Variants in RABGEF1 observed in about 807,000 individuals in gnomAD.
RABGEF1 encodes rab5 GDP/GTP exchange factor.
Under a neutral mutation model 57.3 loss-of-function variants are expected in RABGEF1, and 26 were observed. That is an observed-to-expected ratio of 0.45 (90% CI 0.33 to 0.63). The LOEUF is 0.63. Among genes scored for constraint, RABGEF1 ranks in the 20% least tolerant of loss-of-function variants. The pLI, the probability that RABGEF1 is intolerant of heterozygous loss-of-function variation, is 0.02. For missense variants in RABGEF1, 464 were observed against 607.6 expected (o/e 0.76, Z 2.48); for synonymous variants, 185 against 210.7 (o/e 0.88, Z 1.06).
the RABGEF1 span, among the ~76,000 whole-genome samples, chr7:66,670,281 CT>C: frequency 2.0e-5 from 3 of 152,022 alleles, no homozygotes; most frequent in African/African-American, 7.2e-5. Flanking sequence ...CCACTGGTCC[CT>C]TCTCATACTT....
At chr7:66,748,365 A>G (rs1016838410) in intron 1 of RABGEF1, among the ~76,000 whole-genome samples, 2 of 152,104 alleles carry the variant, frequency 1.3e-5, no homozygotes, top group Admixed American at 6.5e-5. Context: ...TACCTTCCAT[A>G]CTTTCTCAGT....
At chr7:66,666,690 A>G in the RABGEF1 span, among the ~76,000 whole-genome samples, 1 of 152,208 alleles carries the variant, frequency 6.6e-6, no homozygotes, top group Non-Finnish European at 1.5e-5. Flanking sequence ...CTGTCTGGCC[A>G]ACACCCTTGC....
At chr7:66,805,897 A>G (rs1441847457) in intron 8 of RABGEF1, among the ~76,000 whole-genome samples, 1 of 149,794 alleles carries the variant, frequency 6.7e-6, no homozygotes, top group Admixed American at 6.7e-5. Flanking sequence ...GGCATGCACC[A>G]TCACACCGGG....
intron 1 of RABGEF1, among the ~76,000 whole-genome samples, chr7:66,706,255 A>G (rs1425916595): frequency 6.6e-6 from 1 of 151,996 alleles, no homozygotes; most frequent in Admixed American, 6.6e-5. Flanking sequence ...ATCTTTGGAT[A>G]TTATAAATAA....
intron 2 of RABGEF1, among the ~76,000 whole-genome samples, chr7:66,716,848 G>C (rs1009581593): frequency 6.6e-6 from 1 of 152,074 alleles, no homozygotes. Context: ...GTGCAATCTC[G>C]GTTCACCACA....
chr7:66,716,872 A>G (rs1795465142), intron 2 of RABGEF1, among the ~76,000 whole-genome samples: 1 of 152,142 alleles, frequency 6.6e-6, no homozygotes, highest in Non-Finnish European at 1.5e-5. Flanking sequence ...TCTGTCTCCC[A>G]GGCTCAAGTG....
chr7:66,676,085 C>T, the RABGEF1 span, among the ~76,000 whole-genome samples: 3 of 152,100 alleles, frequency 2.0e-5, no homozygotes, highest in Non-Finnish European at 2.9e-5. Context: ...CTTTGGGAGG[C>T]CGTGGCAGAC....
At chr7:66,675,917 G>A in the RABGEF1 span, among the ~76,000 whole-genome samples, 3 of 152,140 alleles carry the variant, frequency 2.0e-5, no homozygotes, top group Non-Finnish European at 4.4e-5. Flanking sequence ...ATTGCTGAAA[G>A]TAATCAAAGA....
At chr7:66,740,995 C>T (rs1361811555) in intron 1 of RABGEF1, among the ~76,000 whole-genome samples, 2 of 152,186 alleles carry the variant, frequency 1.3e-5, no homozygotes, top group African/African-American at 2.4e-5. Flanking sequence ...CCAGGCCGCC[C>T]TCGGCTCCCT....
intron 1 of RABGEF1, among the ~76,000 whole-genome samples, chr7:66,761,577 A>C (rs1473116383): frequency 6.6e-6 from 1 of 152,114 alleles, no homozygotes; most frequent in African/African-American, 2.4e-5. Context: ...TCCTGGGCCC[A>C]GTTCTCTTGG....
intron 1 of RABGEF1, among the ~76,000 whole-genome samples, chr7:66,744,697 C>T (rs10248036): frequency 0.04 from 5,924 of 149,348 alleles, 395 homozygotes; most frequent in African/African-American, 0.14. Flanking sequence ...AGATGCTTGA[C>T]GTGAATGTAT....
intron 2 of RABGEF1, among the ~76,000 whole-genome samples, chr7:66,716,207 G>C (rs1350567700): frequency 1.3e-5 from 2 of 152,140 alleles, no homozygotes; most frequent in Non-Finnish European, 2.9e-5. Context: ...TTGAGGTATA[G>C]TTTGTCTTAT....
intron 1 of RABGEF1, among the ~76,000 whole-genome samples, chr7:66,697,316 G>A (rs1018720199): frequency 2.0e-5 from 3 of 152,166 alleles, no homozygotes; most frequent in African/African-American, 7.2e-5. Flanking sequence ...GGCTTGCAGC[G>A]TGGCGTCTCA....
chr7:66,749,888 C>A (rs1264003813), intron 1 of RABGEF1, among the ~76,000 whole-genome samples: 1 of 152,110 alleles, frequency 6.6e-6, no homozygotes, highest in Non-Finnish European at 1.5e-5. Flanking sequence ...GCAGGAGAAT[C>A]GCTGGAACCT....
upstream of RABGEF1, among the ~76,000 whole-genome samples, chr7:66,677,959 G>A (rs570588923): frequency 6.6e-6 from 1 of 151,756 alleles, no homozygotes; most frequent in South Asian, 2.1e-4. Flanking sequence ...CAGCTACTTG[G>A]GGGGCTGAGG....
intron 7 of RABGEF1, among the ~76,000 whole-genome samples, chr7:66,800,313 C>A (rs965558957): frequency 2.6e-5 from 4 of 152,164 alleles, no homozygotes; most frequent in Non-Finnish European, 5.9e-5. Context: ...CCCCAAGGGT[C>A]ATCCAGGGAG....
chr7:66,773,944 G>A, intron 2 of RABGEF1: 1 of 390,324 alleles, frequency 2.6e-6, no homozygotes, highest in Non-Finnish European at 5.1e-6. Flanking sequence ...GGGATTACAG[G>A]CGTGAGCCAC....
chr7:66,736,777 C>A (rs1369287488), upstream of RABGEF1, among the ~76,000 whole-genome samples: 2 of 152,168 alleles, frequency 1.3e-5, no homozygotes, highest in Admixed American at 6.5e-5. Context: ...AGGAGAATAG[C>A]TTGAACCCAG....
At chr7:66,709,789 A>G (rs1794566445) in intron 1 of RABGEF1, among the ~76,000 whole-genome samples, 1 of 152,166 alleles carries the variant, frequency 6.6e-6, no homozygotes, top group Non-Finnish European at 1.5e-5. Flanking sequence ...GAAAAGAAAA[A>G]AGAAAGAAAG....
Sources: allele counts gnomAD v4.1 joint callset (sites outside exome capture counted in the v4.1 genomes callset), GRCh38; gene constraint gnomAD v4.1.1; transcripts MANE v1.5; gene names NCBI Gene and HGNC (gene_info 2026-07-23, HGNC 2026-07-21).